NFIB: variants seen among roughly 807,000 people sequenced by gnomAD.
The protein encoded by NFIB is nuclear factor I B.
A neutral mutation model predicts 61.5 loss-of-function variants in NFIB; 11 were observed. The observed-to-expected ratio is 0.18, with a 90% CI of 0.11 to 0.30. NFIB has a LOEUF of 0.30. NFIB is among the 10% of genes least tolerant of loss of function. The pLI is 1.00. For missense variants in NFIB, 471 were observed against 608.9 expected, an observed-to-expected ratio of 0.77 and a Z score of 2.38; for synonymous variants, 260 against 216.5, an observed-to-expected ratio of 1.20 and a Z score of -1.76.
At chr9:14,443,036 G>GC in the NFIB span, among the ~76,000 whole-genome samples, 12 of 56,026 alleles carry the variant, frequency 2.1e-4, no homozygotes, top group East Asian at 4.0e-4. Context: ...CCCCCCACCC[G>GC]CCCCCCCGCC....
chr9:14,513,725 C>T, the NFIB span, among the ~76,000 whole-genome samples: 3 of 151,600 alleles, frequency 2.0e-5, no homozygotes, highest in South Asian at 6.3e-4. Context: ...TTTTGATGAT[C>T]CTATAAGTTT....
At chr9:14,513,955 G>A in the NFIB span, among the ~76,000 whole-genome samples, 3 of 152,132 alleles carry the variant, frequency 2.0e-5, no homozygotes, top group African/African-American at 7.2e-5. Context: ...TGCCTATGAT[G>A]CTACTTTTTA....
At chr9:14,223,327 G>A (rs1424515853) in intron 2 of NFIB, among the ~76,000 whole-genome samples, 1 of 152,172 alleles carries the variant, frequency 6.6e-6, no homozygotes, top group African/African-American at 2.4e-5. Context: ...TCGCCTTACT[G>A]ATAAGTGACT....
At chr9:14,437,465 C>G in the NFIB span, among the ~76,000 whole-genome samples, 1 of 152,194 alleles carries the variant, frequency 6.6e-6, no homozygotes, top group East Asian at 1.9e-4. Flanking sequence ...GGACATTAAA[C>G]TATTGAATTC....
chr9:14,183,397 GA>G (rs957243256), intron 2 of NFIB, among the ~76,000 whole-genome samples: 14 of 148,548 alleles, frequency 9.4e-5, no homozygotes, highest in East Asian at 5.8e-4. Flanking sequence ...TGGTGTCTGG[GA>G]AAAAAAATTT....
At chr9:14,477,014 A>G in the NFIB span, among the ~76,000 whole-genome samples, 1 of 152,248 alleles carries the variant, frequency 6.6e-6, no homozygotes, top group African/African-American at 2.4e-5. Flanking sequence ...ATACCAGAAT[A>G]TATATGATTT....
Position 14,082,851 on chromosome 9 carries a change from T to C in NFIB, c.*5458A>G, listed in dbSNP as rs2118335402. The C allele has an allele frequency of 4.8e-6, 1 of 206,796 alleles. No homozygotes were observed. The highest frequency in any genetic ancestry group is 1.9e-4 in the South Asian group (1 of 5,252). 12.8% of individuals were successfully genotyped at this position (206,796 alleles called of 1,614,324 possible). A position where few individuals can be genotyped will look rare whatever the true frequency, so the allele number is the denominator to read the frequency against. Reference sequence around the variant, plus strand: ...CACATCAGTCCCTGTAGCACAGTTTTCAAAACCATTCTGTCAAAAATACAG... The same window carrying C: ...CACATCAGTCCCTGTAGCACAGTTTCCAAAACCATTCTGTCAAAAATACAG... On this transcript the variant is annotated 3_prime_UTR_variant, in exon 11 of 11. Coordinates refer to ENST00000380953, the MANE Select transcript of NFIB (RefSeq NM_001190737.2).
the NFIB span, among the ~76,000 whole-genome samples, chr9:14,415,296 G>T: frequency 6.6e-6 from 1 of 152,192 alleles, no homozygotes; most frequent in Non-Finnish European, 1.5e-5. Context: ...CATCAAGCCA[G>T]CAAGGAGAGT....
At chr9:14,352,471 C>A (rs922967284) in intron 1 of NFIB, among the ~76,000 whole-genome samples, 4 of 152,196 alleles carry the variant, frequency 2.6e-5, no homozygotes, top group Non-Finnish European at 5.9e-5. Context: ...TCAGAATTGA[C>A]ATCACCGCTT....
the NFIB span, among the ~76,000 whole-genome samples, chr9:14,496,169 T>C: frequency 6.6e-6 from 1 of 152,254 alleles, no homozygotes; most frequent in African/African-American, 2.4e-5. Context: ...CCAGAAGTGC[T>C]TCAAATTTTT....
intron 7 of NFIB, among the ~76,000 whole-genome samples, chr9:14,122,014 C>G (rs2039004519): frequency 6.6e-6 from 1 of 151,928 alleles, no homozygotes; most frequent in Non-Finnish European, 1.5e-5. Context: ...AAGTAAATGT[C>G]TTTCTATTTT....
intron 2 of NFIB, chr9:14,204,404 C>T (rs555928551): frequency 4.5e-5 from 51 of 1,130,128 alleles, no homozygotes; most frequent in South Asian, 8.6e-5. Flanking sequence ...AGACCTCGCC[C>T]GCTTTGTGAA....
At chr9:14,456,786 C>T in the NFIB span, among the ~76,000 whole-genome samples, 6 of 152,218 alleles carry the variant, frequency 3.9e-5, no homozygotes, top group Non-Finnish European at 7.4e-5. Context: ...TGCCCATATC[C>T]GTCAAAAGCA....
the NFIB span, among the ~76,000 whole-genome samples, chr9:14,435,728 A>G: frequency 6.6e-6 from 1 of 152,262 alleles, no homozygotes; most frequent in Non-Finnish European, 1.5e-5. Context: ...ACAAACCAAT[A>G]GAATTAAATC....
chr9:14,086,500 A>G lies in NFIB; in HGVS notation c.*1809T>C. The G allele has an allele frequency of 4.9e-6, 1 of 204,212 alleles. No homozygotes were observed. The highest frequency in any genetic ancestry group is 1.0e-5 in the Non-Finnish European group (1 of 99,282). The allele number at this position is 204,212 out of a possible 1,614,324, so 12.7% of individuals were successfully genotyped here. On this transcript the variant is annotated 3_prime_UTR_variant, in exon 11 of 11. Transcript: ENST00000380953. ...TAAATTTGAAACCCCTCCCCCCCAA[A>G]TATTAATTGGAAGATGAAAAACATG...
intron 2 of NFIB, among the ~76,000 whole-genome samples, chr9:14,264,855 C>T (rs1053666200): frequency 2.0e-5 from 3 of 152,172 alleles, no homozygotes; most frequent in African/African-American, 7.2e-5. Context: ...GCAACCCAAG[C>T]AGATAATAAT....
At chr9:14,270,401 G>A (rs951192907) in intron 2 of NFIB, among the ~76,000 whole-genome samples, 1 of 151,826 alleles carries the variant, frequency 6.6e-6, no homozygotes, top group African/African-American at 2.4e-5. Context: ...CTGTGCACAT[G>A]CTAATTTGAA....
At chr9:14,482,222 A>G in the NFIB span, among the ~76,000 whole-genome samples, 1 of 152,134 alleles carries the variant, frequency 6.6e-6, no homozygotes, top group Non-Finnish European at 1.5e-5. Context: ...CTTTGTCTAT[A>G]TCAAAAGTAG....
chr9:14,398,136 T>A (rs960483757), intron 1 of NFIB, among the ~76,000 whole-genome samples: 1 of 152,104 alleles, frequency 6.6e-6, no homozygotes, highest in African/African-American at 2.4e-5. Context: ...AGTAGAGGTA[T>A]AAAAAAACAA....
Sources: gnomAD v4.1 joint callset for allele counts (sites outside exome capture counted in the v4.1 genomes callset) on GRCh38, gnomAD v4.1.1 for gene constraint, MANE v1.5 for transcripts, NCBI Gene and HGNC (gene_info 2026-07-23, HGNC 2026-07-21) for gene names.